The following PRKD3 variants were observed in gnomAD, a reference collection of about 807,000 sequenced individuals.
PRKD3 encodes serine/threonine-protein kinase D3.
Under a neutral mutation model 99.2 loss-of-function variants are expected in PRKD3, and 47 were observed. The observed-to-expected ratio is 0.47, with a 90% CI of 0.38 to 0.60. The LOEUF (loss-of-function observed/expected upper bound fraction) is 0.60, where lower values mean the gene tolerates loss of function less well. Ranked by LOEUF, PRKD3 falls within the 20% of genes least tolerant of loss-of-function variation. PRKD3 has a pLI of 0.00. For synonymous variants in PRKD3, 392 were observed against 355.4 expected (o/e 1.10, Z -1.16); for missense variants, 1,019 against 1,088.4 (o/e 0.94, Z 0.90).
chr2:37,270,212 A>G (rs1189843100), intron 12 of PRKD3, among the ~76,000 whole-genome samples: 1 of 152,018 alleles, frequency 6.6e-6, no homozygotes, highest in Non-Finnish European at 1.5e-5. Context: ...GGGCAACAAG[A>G]GCGAGACTCC....
At position 37,253,062 on chromosome 2, in the gene PRKD3, T is replaced by C. The variant is rs1034959304; in HGVS notation, c.*115A>G. The C allele has an allele frequency of 6.4e-6, 7 of 1,099,488 alleles. No homozygotes were observed. Among genetic ancestry groups the C allele is most frequent in the East Asian group, 2.5e-5 (1 of 40,750 alleles). 68.1% of individuals were successfully genotyped at this position (1,099,488 alleles called of 1,614,324 possible). A position where few individuals can be genotyped will look rare whatever the true frequency, so the allele number is the denominator to read the frequency against. On this transcript the variant is annotated 3_prime_UTR_variant, in exon 19 of 19. Transcript: ENST00000234179. ...CAGTACTGGTGTCACTTATTCGTTA[T>C]CATATTTCTTCATATCTTTGCAGCA... is the stretch of plus-strand genomic sequence containing the variant.
intron 1 of PRKD3, among the ~76,000 whole-genome samples, chr2:37,320,192 T>G (rs1671820470): frequency 6.6e-6 from 1 of 152,178 alleles, no homozygotes; most frequent in African/African-American, 2.4e-5. Context: ...GTTGTTTGCC[T>G]GTGACTATAG....
chr2:37,272,469 C>A, intron 11 of PRKD3, 37 bp from the exon 12 acceptor site: 2 of 1,572,272 alleles, frequency 1.3e-6, no homozygotes, highest in Non-Finnish European at 1.7e-6. Context: ...TAGTATATGA[C>A]AATATTATTA....
At chr2:37,285,947 T>C (rs1253156060) in intron 6 of PRKD3, among the ~76,000 whole-genome samples, 1 of 152,224 alleles carries the variant, frequency 6.6e-6, no homozygotes, top group Non-Finnish European at 1.5e-5. Flanking sequence ...AGACTGAGCA[T>C]GTAAAGGTTT....
chr2:37,313,167 T>A (rs924567124), intron 2 of PRKD3, among the ~76,000 whole-genome samples: 1 of 152,146 alleles, frequency 6.6e-6, no homozygotes, highest in Non-Finnish European at 1.5e-5. Context: ...GTGGGCCATA[T>A]GGTCTCTGTC....
chr2:37,289,543 G>T (rs750384720), intron 4 of PRKD3, 30 bp from the exon 5 acceptor site: 4 of 1,531,086 alleles, frequency 2.6e-6, no homozygotes, highest in Non-Finnish European at 3.5e-6. Flanking sequence ...TAAAATATAA[G>T]ATTTAAAAAA....
intron 1 of PRKD3, among the ~76,000 whole-genome samples, chr2:37,321,856 T>C (rs562758431): frequency 9.8e-5 from 15 of 152,304 alleles, no homozygotes; most frequent in Admixed American, 5.9e-4. Flanking sequence ...GACAAAAGGA[T>C]TCCAGGAAGG....
chr2:37,322,362 T>C lies in PRKD3; in HGVS notation c.-656+2319A>G, dbSNP rs182320923. On this transcript the variant is annotated intron_variant, in intron 1 of 18. Transcript: ENST00000234179. ...AAATACCTATTACTTTAGATTAACA[T>C]ACTTTTCCTAAGAGCTTAGCATTTG... is the stretch of plus-strand genomic sequence containing the variant. Among the ~76,000 whole-genome samples the C allele has an allele frequency of 1.7e-3, 246 of 148,492 alleles. 1 individual carries two copies. Among genetic ancestry groups the C allele is most frequent in the African/African-American group, 4.7e-3 (195 of 41,240 alleles).
rs191119280 is a variant in PRKD3 at position 37,303,028 on chromosome 2, C to T, written c.289-9757G>A. The stretch of plus-strand genomic sequence containing the variant: ...CCAAAACTACCTACGGCCGGCCCCA[C>T]GGCCCAACCCCTGTCCTGTGCCTAT... On this transcript the variant is annotated intron_variant, in intron 2 of 18. Coordinates refer to ENST00000234179, the MANE Select transcript of PRKD3 (RefSeq NM_005813.6). Among the ~76,000 whole-genome samples the T allele has an allele frequency of 3.1e-3, 469 of 152,268 alleles. 1 individual carries two copies. The highest frequency in any genetic ancestry group is 4.9e-3 in the Non-Finnish European group (336 of 68,026).
At chr2:37,254,354 G>T (rs997779713) in intron 17 of PRKD3, 65 bp from the exon 18 acceptor site, 20 of 1,254,390 alleles carry the variant, frequency 1.6e-5, no homozygotes, top group Middle Eastern at 3.7e-4. Context: ...ACTTGTGACT[G>T]CCTAGAAGGC....
At chr2:37,300,638 C>T (rs1199327537) in intron 2 of PRKD3, among the ~76,000 whole-genome samples, 1 of 152,032 alleles carries the variant, frequency 6.6e-6, no homozygotes, top group Non-Finnish European at 1.5e-5. Flanking sequence ...TCACATGTAC[C>T]TCATAAATAT....
chr2:37,271,862 G>A (rs745789462), intron 12 of PRKD3, among the ~76,000 whole-genome samples: 3 of 152,152 alleles, frequency 2.0e-5, no homozygotes, highest in Non-Finnish European at 4.4e-5. Context: ...AAAGTTTACG[G>A]AAAAAGTTGC....
chr2:37,264,480 G>A (rs1668689082), intron 14 of PRKD3, among the ~76,000 whole-genome samples: 1 of 143,728 alleles, frequency 7.0e-6, no homozygotes, highest in Non-Finnish European at 1.5e-5. Context: ...AAGGTGATAA[G>A]TGCCATGGAG....
At chr2:37,319,610 T>C (rs1671790947) in intron 1 of PRKD3, among the ~76,000 whole-genome samples, 1 of 152,102 alleles carries the variant, frequency 6.6e-6, no homozygotes, top group Non-Finnish European at 1.5e-5. Context: ...ACTGCTAATA[T>C]AATGGGTGAC....
intron 4 of PRKD3, 62 bp from the exon 5 acceptor site, chr2:37,289,575 T>C (rs1225871954): frequency 2.2e-6 from 3 of 1,347,414 alleles, no homozygotes; most frequent in Non-Finnish European, 3.0e-6. Flanking sequence ...TTAAGTGTGA[T>C]ACATAAAAAC....
intron 14 of PRKD3, among the ~76,000 whole-genome samples, chr2:37,266,646 C>G (rs902866426): frequency 1.3e-5 from 2 of 152,096 alleles, no homozygotes; most frequent in African/African-American, 2.4e-5. Flanking sequence ...GCCACCGTGC[C>G]CGGCCTAGTT....
intron 5 of PRKD3, among the ~76,000 whole-genome samples, chr2:37,287,097 G>A (rs373341005): frequency 6.6e-6 from 1 of 151,646 alleles, no homozygotes. Context: ...AGGCGTGGGG[G>A]TGCATGCCTG....
intron 14 of PRKD3, 42 bp downstream of exon 14, chr2:37,267,388 C>G (rs558373345): frequency 1.3e-5 from 17 of 1,312,910 alleles, no homozygotes; most frequent in Admixed American, 8.4e-5. Flanking sequence ...CAGATTCTTA[C>G]CAGCCTCTTT....
chr2:37,296,035 G>A (rs1312741309), intron 2 of PRKD3, among the ~76,000 whole-genome samples: 1 of 152,084 alleles, frequency 6.6e-6, no homozygotes, highest in Non-Finnish European at 1.5e-5. Flanking sequence ...TTTCTCTCCA[G>A]AAACTACAGC....
Sources: allele counts gnomAD v4.1 joint callset (sites outside exome capture counted in the v4.1 genomes callset), GRCh38; gene constraint gnomAD v4.1.1; transcripts MANE v1.5; gene names NCBI Gene and HGNC (gene_info 2026-07-23, HGNC 2026-07-21).